The following CNPY1 variants were observed in gnomAD, a reference collection of about 807,000 sequenced individuals.
CNPY1 encodes canopy FGF signaling regulator 1, also known as protein canopy homolog 1.
A neutral mutation model predicts 14.4 loss-of-function variants in CNPY1; 14 were observed. The ratio of observed to expected loss-of-function variants is 0.97; its 90% CI spans 0.64 to 1.52. The LOEUF is 1.52. CNPY1 is among the 40% of genes most tolerant of loss of function. CNPY1 has a pLI of 0.00. For synonymous variants in CNPY1, 43 were observed against 46.5 expected (o/e 0.92, Z 0.31); for missense variants, 129 against 131.5 (o/e 0.98, Z 0.09).
intron 2 of CNPY1, among the ~76,000 whole-genome samples, chr7:155,524,981 C>A (rs1041693664): frequency 3.3e-5 from 5 of 152,044 alleles, no homozygotes; most frequent in Non-Finnish European, 4.4e-5. Flanking sequence ...CACAGCTGCA[C>A]CTGTTGTATT....
intron 2 of CNPY1, 108 bp from the exon 3 acceptor site, chr7:155,509,205 G>GTGC (rs1796438911): frequency 3.3e-6 from 2 of 603,610 alleles, no homozygotes; most frequent in African/African-American, 3.8e-5. Flanking sequence ...ATGCAAACGT[G>GTGC]TGCCACTTCC....
intron 2 of CNPY1, among the ~76,000 whole-genome samples, chr7:155,522,280 C>T (rs184878772): frequency 7.9e-5 from 12 of 152,352 alleles, no homozygotes; most frequent in East Asian, 3.9e-4. Context: ...GCCAAGAAAC[C>T]GAGGCCCTGA....
chr7:155,506,753 CCTT>C (rs1280485087), intron 4 of CNPY1: 6 of 393,484 alleles, frequency 1.5e-5, no homozygotes, highest in Non-Finnish European at 2.7e-5. Flanking sequence ...AGAATTTTCT[CCTT>C]AACTGGAAAT....
intron 2 of CNPY1, among the ~76,000 whole-genome samples, chr7:155,522,014 C>T (rs762959218): frequency 1.3e-5 from 2 of 152,248 alleles, no homozygotes; most frequent in Non-Finnish European, 2.9e-5. Flanking sequence ...CACTTTCCTC[C>T]TAGTGGGCAC....
chr7:155,515,575 G>C (rs898327104), intron 2 of CNPY1, among the ~76,000 whole-genome samples: 1 of 152,150 alleles, frequency 6.6e-6, no homozygotes, highest in Non-Finnish European at 1.5e-5. Context: ...CAAATCGAGA[G>C]GTGTGGAGGG....
At chr7:155,537,424 CTTTT>C (rs557551511) in intron 2 of CNPY1, among the ~76,000 whole-genome samples, 2 of 137,786 alleles carry the variant, frequency 1.5e-5, no homozygotes, top group Admixed American at 1.5e-4. Context: ...TTTTTCTTTT[CTTTT>C]TTTTTTTTTT....
intron 2 of CNPY1, among the ~76,000 whole-genome samples, chr7:155,530,264 A>G (rs1234141530): frequency 6.7e-6 from 1 of 150,356 alleles, no homozygotes; most frequent in African/African-American, 2.5e-5. Context: ...AAAGGTTTTT[A>G]AATGGAAATA....
At chr7:155,530,935 GAGAACCACTGGCAT>G (rs1290746007) in intron 2 of CNPY1, among the ~76,000 whole-genome samples, 1 of 152,220 alleles carries the variant, frequency 6.6e-6, no homozygotes, top group Non-Finnish European at 1.5e-5. Flanking sequence ...ATCCCCAGTT[GAGAACCACTGGCAT>G]AGAACCTAGG....
chr7:155,542,153 A>C (rs1245015322), intron 2 of CNPY1, among the ~76,000 whole-genome samples: 1 of 150,504 alleles, frequency 6.6e-6, no homozygotes, highest in Non-Finnish European at 1.5e-5. Context: ...CTGAGAGCTG[A>C]TTCCCTCCCT....
chr7:155,542,142 C>T (rs958319838), intron 2 of CNPY1, among the ~76,000 whole-genome samples: 1 of 150,822 alleles, frequency 6.6e-6, no homozygotes, highest in African/African-American at 2.5e-5. Context: ...TGCTGTAGGG[C>T]CTGAGAGCTG....
At chr7:155,546,069 G>A (rs1470575649) in intron 1 of CNPY1, 126 bp from the exon 2 acceptor site, 2 of 397,668 alleles carry the variant, frequency 5.0e-6, no homozygotes, top group Non-Finnish European at 8.8e-6. Context: ...CAGGACCTGG[G>A]GAGGACTCTT....
At chr7:155,504,689 A>AACAC (rs61377945) in intron 4 of CNPY1, among the ~76,000 whole-genome samples, 5,092 of 145,218 alleles carry the variant, frequency 0.035, 103 homozygotes, top group African/African-American at 0.045. Context: ...CATACCCCCC[A>AACAC]ACACACACAC....
intron 2 of CNPY1, among the ~76,000 whole-genome samples, chr7:155,529,263 T>C (rs537251275): frequency 6.6e-6 from 1 of 152,274 alleles, no homozygotes; most frequent in East Asian, 1.9e-4. Flanking sequence ...ATCCACATTA[T>C]GTGGGCTGGA....
chr7:155,525,165 C>T (rs1308139093), intron 2 of CNPY1, among the ~76,000 whole-genome samples: 4 of 152,086 alleles, frequency 2.6e-5, no homozygotes, highest in Admixed American at 6.6e-5. Flanking sequence ...GATAGTATAG[C>T]ATTTCATCTT....
chr7:155,544,480 T>C (rs896906769), intron 2 of CNPY1, among the ~76,000 whole-genome samples: 5 of 152,180 alleles, frequency 3.3e-5, no homozygotes, highest in African/African-American at 1.2e-4. Context: ...ATTGAAGTTA[T>C]CAAAATATTA....
intron 2 of CNPY1, among the ~76,000 whole-genome samples, chr7:155,532,021 C>T (rs764896501): frequency 6.6e-6 from 1 of 152,230 alleles, no homozygotes; most frequent in African/African-American, 2.4e-5. Flanking sequence ...TCCAGACTGA[C>T]AGCTTGAGCA....
chr7:155,521,917 G>A (rs192876180), intron 2 of CNPY1, among the ~76,000 whole-genome samples: 16 of 152,168 alleles, frequency 1.1e-4, no homozygotes, highest in African/African-American at 3.1e-4. Flanking sequence ...CCTGCCCTGC[G>A]GCTGACATCA....
intron 3 of CNPY1, among the ~76,000 whole-genome samples, chr7:155,508,135 A>G (rs1028070077): frequency 6.6e-6 from 1 of 152,232 alleles, no homozygotes; most frequent in Non-Finnish European, 1.5e-5. Context: ...AACTTAATAC[A>G]TTTTTTAAAA....
intron 2 of CNPY1, among the ~76,000 whole-genome samples, chr7:155,522,069 G>A (rs973912765): frequency 2.0e-5 from 3 of 152,234 alleles, no homozygotes; most frequent in African/African-American, 4.8e-5. Context: ...GTGCACACAC[G>A]TGCCCACATG....
Sources: allele counts gnomAD v4.1 joint callset (sites outside exome capture counted in the v4.1 genomes callset), GRCh38; gene constraint gnomAD v4.1.1; transcripts MANE v1.5; gene names NCBI Gene and HGNC (gene_info 2026-07-23, HGNC 2026-07-21).